The following MYO3B variants were observed in gnomAD, a reference collection of about 807,000 sequenced individuals.
MYO3B encodes the protein myosin IIIB.
A neutral mutation model predicts 174.6 loss-of-function variants in MYO3B; 156 were observed. That is an observed-to-expected ratio of 0.89 (90% confidence interval 0.78 to 1.02). MYO3B has a LOEUF of 1.02. MYO3B is among the 50% of genes least tolerant of loss of function. The pLI, the probability that MYO3B is intolerant of heterozygous loss-of-function variation, is 0.00. For missense variants in MYO3B, 1,632 were observed against 1,639.4 expected, an observed-to-expected ratio of 1.00 and a Z score of 0.08; for synonymous variants, 563 against 569.1, an observed-to-expected ratio of 0.99 and a Z score of 0.15.
chr2:170,292,484 G>T (rs13021992), intron 7 of MYO3B, among the ~76,000 whole-genome samples: 71,131 of 151,932 alleles, frequency 0.47, 17,994 homozygotes, highest in East Asian at 0.67. Context: ...TTTCTTATGG[G>T]TAAATGTCTA....
intron 8 of MYO3B, chr2:170,343,446 G>T (rs1399119396): frequency 6.6e-6 from 1 of 151,464 alleles, no homozygotes; most frequent in Non-Finnish European, 1.5e-5. Flanking sequence ...AAAAAAAATC[G>T]ACTCAGGCTC....
chr2:170,591,827 G>A (rs368112486), intron 32 of MYO3B, among the ~76,000 whole-genome samples: 49 of 152,234 alleles, frequency 3.2e-4, no homozygotes, highest in Admixed American at 6.5e-4. Context: ...CCAGTATTAC[G>A]TATTGAACTT....
chr2:170,434,566 T>C lies in MYO3B; in HGVS notation c.2651-9401T>C, dbSNP rs577598752. ...TAATGTAAAGAGAATGACGGGTGAG[T>C]GCTTTAGTGGGAGTCAGGGCAGAGA... is the stretch of plus-strand genomic sequence containing the variant. On this transcript the variant is annotated intron_variant, in intron 22 of 34. Coordinates refer to ENST00000408978, the MANE Select transcript of MYO3B (RefSeq NM_138995.5). Among the ~76,000 whole-genome samples the C allele has an allele frequency of 2.6e-5, 4 of 151,868 alleles. No homozygotes were observed. The South Asian group carries it at 8.3e-4, about 32-fold the overall frequency.
intron 7 of MYO3B, among the ~76,000 whole-genome samples, chr2:170,263,491 G>A (rs144743662): frequency 0.018 from 2,739 of 152,230 alleles, 97 homozygotes; most frequent in African/African-American, 0.062. Flanking sequence ...CTCGGAGAGG[G>A]GGATGTGGCA....
In MYO3B at chr2:170,422,981, T is replaced by C. The variant is rs796528782; in HGVS notation, c.2650+15137T>C. On this transcript the variant is annotated intron_variant, in intron 22 of 34. Coordinates refer to ENST00000408978, the MANE Select transcript of MYO3B (RefSeq NM_138995.5). The stretch of plus-strand genomic sequence containing the variant: ...ACCAACCATATTTCTTTCTTTCTTT[T>C]TTTTTTTTTTTTTTTTTGAGACAGA... Among the ~76,000 whole-genome samples, 13 of 136,502 alleles carry C rather than the reference T, an allele frequency of 9.5e-5. 1 individual carries two copies. In the South Asian group the frequency reaches 1.2e-3, roughly 13 times the overall value. 89.6% of individuals were successfully genotyped at this position (136,502 alleles called of 152,430 possible). A position where few individuals can be genotyped will look rare whatever the true frequency, so the allele number is the denominator to read the frequency against.
intron 32 of MYO3B, among the ~76,000 whole-genome samples, chr2:170,606,147 TGAA>T (rs373561938): frequency 5.8e-4 from 89 of 152,294 alleles, no homozygotes; most frequent in African/African-American, 2.1e-3. Context: ...TGATCAGCGT[TGAA>T]GAAATAATCT....
intron 22 of MYO3B, among the ~76,000 whole-genome samples, chr2:170,420,934 T>C (rs1473979536): frequency 2.0e-5 from 3 of 152,072 alleles, no homozygotes; most frequent in Non-Finnish European, 2.9e-5. Flanking sequence ...AACTCAGTCC[T>C]AGCATCACCT....
At chr2:170,305,381 C>T (rs539166752) in intron 7 of MYO3B, among the ~76,000 whole-genome samples, 89 of 152,274 alleles carry the variant, frequency 5.8e-4, no homozygotes, top group Non-Finnish European at 1.2e-3. Flanking sequence ...GGTAAGTCCT[C>T]ATTTTCCCCC....
intron 32 of MYO3B, among the ~76,000 whole-genome samples, chr2:170,619,403 C>A (rs549502745): frequency 1.2e-4 from 18 of 152,312 alleles, no homozygotes; most frequent in Non-Finnish European, 2.6e-4. Context: ...TAATCAGGAG[C>A]ATTTCATCTT....
At chr2:170,287,893 A>G (rs2093568234) in intron 7 of MYO3B, among the ~76,000 whole-genome samples, 1 of 151,982 alleles carries the variant, frequency 6.6e-6, no homozygotes, top group Non-Finnish European at 1.5e-5. Context: ...TTTTGATTTG[A>G]CTTTTGTGTA....
intron 1 of MYO3B, among the ~76,000 whole-genome samples, chr2:170,195,476 C>G (rs2092588938): frequency 6.6e-6 from 1 of 152,060 alleles, no homozygotes; most frequent in South Asian, 2.1e-4. Context: ...CTTCCCACCC[C>G]ATCCCCATCC....
intron 7 of MYO3B, among the ~76,000 whole-genome samples, chr2:170,272,923 A>C (rs2093435843): frequency 6.6e-6 from 1 of 152,208 alleles, no homozygotes; most frequent in South Asian, 2.1e-4. Flanking sequence ...TGTGGATACC[A>C]ATGTCTGGAT....
intron 32 of MYO3B, among the ~76,000 whole-genome samples, chr2:170,547,429 C>A (rs1690591659): frequency 6.6e-6 from 1 of 152,038 alleles, no homozygotes; most frequent in South Asian, 2.1e-4. Context: ...GTGCATAATT[C>A]TAGTCACTTG....
At chr2:170,212,669 G>A (rs2092784782) in intron 3 of MYO3B, among the ~76,000 whole-genome samples, 1 of 152,116 alleles carries the variant, frequency 6.6e-6, no homozygotes, top group Non-Finnish European at 1.5e-5. Context: ...AAGTGAGATG[G>A]AGTCCTGCTA....
At chr2:170,555,364 C>G (rs1297970502) in intron 32 of MYO3B, among the ~76,000 whole-genome samples, 1 of 152,170 alleles carries the variant, frequency 6.6e-6, no homozygotes, top group African/African-American at 2.4e-5. Context: ...TTCATCATGA[C>G]AGTATCATAC....
chr2:170,341,940 G>C (rs989392964), intron 8 of MYO3B, among the ~76,000 whole-genome samples: 2 of 152,114 alleles, frequency 1.3e-5, no homozygotes, highest in Admixed American at 1.3e-4. Flanking sequence ...TGTAAACCAG[G>C]AAGCAGCTGA....
At chr2:170,622,578 TTTTTA>T (rs986229622) in intron 32 of MYO3B, among the ~76,000 whole-genome samples, 1 of 150,914 alleles carries the variant, frequency 6.6e-6, no homozygotes, top group African/African-American at 2.5e-5. Flanking sequence ...TATACATTTT[TTTTTA>T]TTATTATACT....
At chr2:170,216,398 C>G (rs773912499) in intron 5 of MYO3B, among the ~76,000 whole-genome samples, 4 of 152,158 alleles carry the variant, frequency 2.6e-5, no homozygotes, top group African/African-American at 9.7e-5. Flanking sequence ...TTAGGTGTGA[C>G]TGTTGTGATT....
intron 23 of MYO3B, among the ~76,000 whole-genome samples, chr2:170,449,056 A>G (rs1262865198): frequency 6.6e-6 from 1 of 152,186 alleles, no homozygotes; most frequent in African/African-American, 2.4e-5. Context: ...GCCTGCAAAC[A>G]CCTTTATGAG....
Sources: allele counts gnomAD v4.1 joint callset (sites outside exome capture counted in the v4.1 genomes callset), GRCh38; gene constraint gnomAD v4.1.1; transcripts MANE v1.5; gene names NCBI Gene and HGNC (gene_info 2026-07-23, HGNC 2026-07-21).